Variants in ZGRF1 observed in about 807,000 individuals in gnomAD.
ZGRF1 encodes the protein zinc finger GRF-type containing 1.
Under a neutral mutation model 203.5 loss-of-function variants are expected in ZGRF1, and 196 were observed. The observed-to-expected ratio is 0.96, with a 90% confidence interval of 0.86 to 1.08. The LOEUF is 1.08. Among genes scored for constraint, ZGRF1 ranks in the 50% least tolerant of loss-of-function variants. The probability of loss-of-function intolerance (pLI) is 0.00; values close to 1 mark genes in which losing one functional copy is unlikely to be tolerated. For missense variants in ZGRF1, 2,326 were observed against 2,416.3 expected, an observed-to-expected ratio of 0.96 and a Z score of 0.78; for synonymous variants, 809 against 841.3, an observed-to-expected ratio of 0.96 and a Z score of 0.66.
chr4:112,617,253 G>A (rs1000765541), intron 6 of ZGRF1, among the ~76,000 whole-genome samples, 187 bp downstream of exon 6: 9 of 152,184 alleles, frequency 5.9e-5, no homozygotes, highest in Admixed American at 5.9e-4. Context: ...GGTAGAATAA[G>A]GGATGTGGTT....
At chr4:112,540,730 C>T in intron 26 of ZGRF1, 91 bp downstream of exon 26, 1 of 1,059,744 alleles carries the variant, frequency 9.4e-7, no homozygotes, top group Non-Finnish European at 1.3e-6. Flanking sequence ...TTTCAGGCAC[C>T]AAACCAACTA....
intron 16 of ZGRF1, among the ~76,000 whole-genome samples, chr4:112,564,411 G>A (rs942778707): frequency 6.6e-6 from 1 of 152,126 alleles, no homozygotes; most frequent in South Asian, 2.1e-4. Context: ...ATACCCAAAT[G>A]CATCTGAATT....
rs1341984098 is a variant in ZGRF1 at position 112,589,785 on chromosome 4, G to A, written c.3066C>T (p.Phe1022=). Residue 1022 remains phenylalanine, a synonymous_variant, in exon 11 of 28, where the codon TTC becomes TTT. Transcript: ENST00000505019. ...TTCTTGCTTTCAGGGACGTCTCAGA[G>A]AATTCTACCATGAAGTCTTCATCTC... The part of the protein sequence containing the change: ...NSRDEDFMVE[F]SETSLKARTL... 6.2e-7 allele frequency: 1 copy of A among 1,613,556 alleles called. No individual in the cohort carries two copies. Among genetic ancestry groups the A allele is most frequent in the Non-Finnish European group, 8.5e-7 (1 of 1,179,702 alleles).
At chr4:112,550,147 G>A (rs1040358424) in intron 22 of ZGRF1, among the ~76,000 whole-genome samples, 3 of 150,248 alleles carry the variant, frequency 2.0e-5, no homozygotes, top group Non-Finnish European at 3.0e-5. Flanking sequence ...AGCCAAGATC[G>A]CGCCACTGCA....
chr4:112,617,799 T>C lies in ZGRF1; in HGVS notation c.2243A>G (p.Tyr748Cys), dbSNP rs768643960. 6.2e-6 allele frequency: 10 copies of C among 1,613,970 alleles called. No individual in the cohort carries two copies. The highest frequency in any genetic ancestry group is 2.2e-5 in the East Asian group (1 of 44,864). Residue 748 changes from tyrosine to cysteine, a missense_variant, in exon 6 of 28, where the codon TAT (tyrosine) becomes TGT (cysteine). Coordinates refer to ENST00000505019, the MANE Select transcript of ZGRF1 (RefSeq NM_018392.5). ...TGATTTATCAAGTGCAATACATTCA[T>C]AGTGATTCTGATTGGTATTTAATAG... ...VQLLNTNQNH[Y>C]ECIALDKSNT... is the part of the protein sequence containing the mutation.
Position 112,554,735 on chromosome 4 carries a change from C to T in ZGRF1, c.5168G>A (p.Arg1723Lys), listed in dbSNP as rs1008851182. The change falls in exon 21 of 28, where the codon AGG becomes AAG. Residue 1723 changes from arginine (R) to lysine (K), a missense_variant. Arg to Lys is a conservative substitution (Grantham distance 26). Transcript: ENST00000505019. ...AGGTAAAATTGGTTTGGCAATCTTC[C>T]TAACACTCCCAACTCTGATAAAGTT... ...FENFIRVGSV[R>K]KIAKPILPYS... is the part of the protein sequence containing the mutation. The T allele has an allele frequency of 6.5e-7, 1 of 1,545,398 alleles. No individual in the cohort carries two copies. Among genetic ancestry groups the T allele is most frequent in the Non-Finnish European group, 8.8e-7 (1 of 1,141,304 alleles).
intron 3 of ZGRF1, among the ~76,000 whole-genome samples, chr4:112,625,891 G>A (rs1421892335): frequency 1.4e-5 from 2 of 146,170 alleles, no homozygotes; most frequent in African/African-American, 5.1e-5. Flanking sequence ...ACGAAACTCC[G>A]TCTCAAAAAA....
Position 112,547,335 on chromosome 4 carries a change from C to T in ZGRF1, c.5548G>A (p.Ala1850Thr), listed in dbSNP as rs764258631. The change falls in exon 24 of 28, where the codon GCT (alanine) becomes ACT (threonine). Residue 1850 changes from alanine (A) to threonine (T), a missense_variant. Coordinates refer to ENST00000505019, the MANE Select transcript of ZGRF1 (RefSeq NM_018392.5). ...LPPTIQGSDA[A>T]HENGLEQTLF... ...GTTTGTTCCAATCCATTTTCATGAG[C>T]TGCATCAGAACCCTGAATAGTAGGA... 10 of 1,613,686 alleles carry T rather than the reference C, an allele frequency of 6.2e-6. No individual in the cohort carries two copies. Among genetic ancestry groups the T allele is most frequent in the Non-Finnish European group, 8.5e-6 (10 of 1,179,754 alleles).
At chr4:112,541,045 C>T in intron 25 of ZGRF1, 47 bp downstream of exon 25, 1 of 1,545,386 alleles carries the variant, frequency 6.5e-7, no homozygotes, top group Non-Finnish European at 8.8e-7. Context: ...AAAATTAAAC[C>T]AGGAACCTAA....
chr4:112,563,057 C>T (rs1398338915), intron 17 of ZGRF1, 74 bp downstream of exon 17: 5 of 1,320,970 alleles, frequency 3.8e-6, no homozygotes, highest in Admixed American at 2.6e-5. Flanking sequence ...TTTTTGTTGG[C>T]TTTAATCAAA....
At chr4:112,543,322 G>A (rs967869116) in intron 24 of ZGRF1, among the ~76,000 whole-genome samples, 1 of 152,010 alleles carries the variant, frequency 6.6e-6, no homozygotes, top group African/African-American at 2.4e-5. Context: ...TATTGTATTA[G>A]TATGAATCTA....
intron 27 of ZGRF1, 58 bp from the exon 28 acceptor site, chr4:112,539,747 TATC>T (rs1737169822): frequency 5.8e-6 from 9 of 1,562,140 alleles, no homozygotes; most frequent in South Asian, 1.2e-5. Flanking sequence ...GTCCCAATAT[TATC>T]ATGTCAGTTA....
chr4:112,554,854 T>TA, intron 20 of ZGRF1, 72 bp from the exon 21 acceptor site: 1 of 740,884 alleles, frequency 1.3e-6, no homozygotes, highest in South Asian at 1.9e-5. Flanking sequence ...TAATAACTGT[T>TA]ACTACAACTA....
rs61745597 is a variant in ZGRF1, at chr4:112,623,837, G to A, written c.142C>T (p.Leu48=). The change falls in exon 4 of 28, where the codon CTG becomes TTG. Residue 48 remains leucine, a synonymous_variant. Transcript: ENST00000505019. ...YDDKGACLES[L]FLKCLEVKPG... ...AATACCTCAAGGCATTTAAGAAACA[G>A]ACTCTCCAAACATGCTCCTTTGTCA... is the stretch of plus-strand genomic sequence containing the variant. 3 of 1,582,706 alleles carry A rather than the reference G, an allele frequency of 1.9e-6. No homozygotes were observed. The highest frequency in any genetic ancestry group is 2.6e-6 in the Non-Finnish European group (3 of 1,157,074).
chr4:112,606,032 T>G lies in ZGRF1; in HGVS notation c.2778A>C (p.Ile926=), dbSNP rs962639609. ...TAFQAVIPKQ[I]ERKTCDPKPV... The stretch of plus-strand genomic sequence containing the variant: ...CCTTAGGGTCACAGGTTTTTCTCTC[T>G]ATTTGTTTAGGAATAACAGCTTGAA... Residue 926 remains isoleucine, a synonymous_variant, in exon 9 of 28, where the codon ATA becomes ATC. Coordinates refer to ENST00000505019, the MANE Select transcript of ZGRF1 (RefSeq NM_018392.5). The G allele has an allele frequency of 1.9e-6, 3 of 1,603,468 alleles. No individual in the cohort carries two copies. The African/African-American group carries it at 4.0e-5, about 22-fold the overall frequency.
chr4:112,584,215 T>A (rs760586770), intron 14 of ZGRF1, 41 bp from the exon 15 acceptor site: 95 of 1,389,810 alleles, frequency 6.8e-5, no homozygotes, highest in Middle Eastern at 3.7e-4. Flanking sequence ...GTGAAAAAAA[T>A]GCTTTTATTT....
At chr4:112,565,110 T>C (rs1008302395) in intron 16 of ZGRF1, 45 of 1,386,868 alleles carry the variant, frequency 3.2e-5, no homozygotes, top group Non-Finnish European at 4.3e-5. Flanking sequence ...AACCTCATCG[T>C]TACAGGCCTG....
Position 112,618,538 on chromosome 4 carries a change from T to C in ZGRF1, c.1504A>G (p.Met502Val), listed in dbSNP as rs146522473. ...TTATCCATTTTACTTTCAGAAATCA[T>C]GTCTGTAATGTCATCAGAGATCCTA... Reference protein sequence around the residue: ...NSRISDDITDMISESKMDNES... With the variant: ...NSRISDDITDVISESKMDNES... Residue 502 changes from methionine (M) to valine (V), a missense_variant, in exon 6 of 28, where the codon ATG becomes GTG. Transcript: ENST00000505019. 1.4e-3 allele frequency: 2,318 copies of C among 1,613,372 alleles called. 38 individuals are homozygous for C. Among genetic ancestry groups the C allele is most frequent in the Non-Finnish European group, 1.2e-4 (147 of 1,179,632 alleles).
At chr4:112,609,074 G>C (rs532757517) in intron 8 of ZGRF1, among the ~76,000 whole-genome samples, 23 of 146,930 alleles carry the variant, frequency 1.6e-4, no homozygotes, top group Non-Finnish European at 1.2e-4. Flanking sequence ...TTTTTTTTGA[G>C]ACAGAGTCTC....
Sources: gnomAD v4.1 joint callset for allele counts (sites outside exome capture counted in the v4.1 genomes callset) on GRCh38, gnomAD v4.1.1 for gene constraint, MANE v1.5 for transcripts, NCBI Gene and HGNC (gene_info 2026-07-23, HGNC 2026-07-21) for gene names.